PRKCB: variants seen among roughly 807,000 people sequenced by gnomAD.
PRKCB encodes the protein protein kinase C beta type.
Under a neutral mutation model 81.5 loss-of-function variants are expected in PRKCB, and 13 were observed. That is an observed-to-expected ratio of 0.16 (90% CI 0.10 to 0.25). The LOEUF (loss-of-function observed/expected upper bound fraction) is 0.25. Ranked by LOEUF, PRKCB falls within the 10% of genes least tolerant of loss-of-function variation. The probability of loss-of-function intolerance (pLI) is 1.00; values close to 1 mark genes in which losing one functional copy is unlikely to be tolerated. For synonymous variants in PRKCB, 335 were observed against 321.4 expected, an observed-to-expected ratio of 1.04 and a Z score of -0.45; for missense variants, 509 against 875.7, an observed-to-expected ratio of 0.58 and a Z score of 5.29.
intron 5 of PRKCB, among the ~76,000 whole-genome samples, chr16:24,085,854 C>T (rs1431322132): frequency 6.6e-6 from 1 of 152,206 alleles, no homozygotes; most frequent in Non-Finnish European, 1.5e-5. Flanking sequence ...GACAGGCTCT[C>T]TTCTTGACAG....
intron 5 of PRKCB, among the ~76,000 whole-genome samples, chr16:24,056,631 C>G (rs559192680): frequency 6.6e-6 from 1 of 152,080 alleles, no homozygotes; most frequent in East Asian, 1.9e-4. Context: ...AACGAGTTCT[C>G]GCTCCATGTT....
In PRKCB at chr16:24,215,997, A is replaced by G. The variant is rs549111342; in HGVS notation, c.*1181A>G. 362 of 984,642 alleles carry G rather than the reference A, an allele frequency of 3.7e-4. No homozygotes were observed. In the South Asian group the frequency reaches 4.3e-3, roughly 12 times the overall value. 61.0% of individuals were successfully genotyped at this position (984,642 alleles called of 1,614,324 possible). ...GCATCGAGATACAATAAAAAAAAAA[A>G]AAAAGAAAAGAAGAAGAAATACTAT... On this transcript the variant is annotated 3_prime_UTR_variant, in exon 17 of 17. Transcript: ENST00000643927.
intron 7 of PRKCB, among the ~76,000 whole-genome samples, chr16:24,095,682 T>C (rs8056438): frequency 0.15 from 23,024 of 151,998 alleles, 2,685 homozygotes; most frequent in African/African-American, 0.33. Flanking sequence ...CAGTTTAGTT[T>C]TGGGAAAGGG....
chr16:24,031,694 AG>A (rs1321208525), intron 3 of PRKCB, among the ~76,000 whole-genome samples: 1 of 152,262 alleles, frequency 6.6e-6, no homozygotes, highest in East Asian at 1.9e-4. Flanking sequence ...GTTTCTAAGC[AG>A]GGAGATTTCA....
Position 24,185,206 on chromosome 16 carries a change from A to C in PRKCB, c.1614+15A>C. ...TGGCTGGGCAGGTAATTGAATTTTAAGTGATCGATAAGAGAAGTCCTCCCT... is the reference window on the plus strand; with the variant it reads ...TGGCTGGGCAGGTAATTGAATTTTACGTGATCGATAAGAGAAGTCCTCCCT... On this transcript the variant is annotated intron_variant, in intron 14 of 16. Coordinates refer to ENST00000643927, the MANE Select transcript of PRKCB (RefSeq NM_002738.7). 5 of 1,608,974 alleles carry C rather than the reference A, an allele frequency of 3.1e-6. No homozygotes were observed. In the South Asian group the frequency reaches 5.5e-5, roughly 18 times the overall value.
intron 2 of PRKCB, among the ~76,000 whole-genome samples, chr16:23,971,982 A>G (rs1208381635): frequency 6.6e-6 from 1 of 152,202 alleles, no homozygotes. Context: ...TTATAAATGA[A>G]TGTTCATAGC....
At chr16:23,997,124 A>G (rs1964968552) in intron 3 of PRKCB, among the ~76,000 whole-genome samples, 1 of 152,196 alleles carries the variant, frequency 6.6e-6, no homozygotes, top group Admixed American at 6.5e-5. Flanking sequence ...TTCTATTGAT[A>G]GTTAACACTG....
At chr16:24,198,080 G>A (rs1250461770) in intron 16 of PRKCB, among the ~76,000 whole-genome samples, 1 of 152,178 alleles carries the variant, frequency 6.6e-6, no homozygotes, top group Admixed American at 6.5e-5. Context: ...TACCCAGGGA[G>A]TTGCTTTGTG....
At chr16:23,978,145 C>G (rs1964649037) in intron 2 of PRKCB, among the ~76,000 whole-genome samples, 3 of 152,114 alleles carry the variant, frequency 2.0e-5, no homozygotes, top group Admixed American at 2.0e-4. Context: ...ACTGGCAGCA[C>G]TTAGATGTGT....
intron 2 of PRKCB, among the ~76,000 whole-genome samples, chr16:23,862,678 C>G (rs765664785): frequency 2.0e-5 from 3 of 152,022 alleles, no homozygotes; most frequent in African/African-American, 7.3e-5. Flanking sequence ...ATAACAGAAA[C>G]GAGACTCTTT....
At chr16:24,067,941 C>CAAA (rs912993889) in intron 5 of PRKCB, among the ~76,000 whole-genome samples, 1 of 77,062 alleles carries the variant, frequency 1.3e-5, no homozygotes, top group Non-Finnish European at 3.1e-5. Flanking sequence ...GACTCCGTCT[C>CAAA]AAAAAAAAAA....
At chr16:24,046,532 G>C (rs1415746296) in intron 5 of PRKCB, among the ~76,000 whole-genome samples, 3 of 152,230 alleles carry the variant, frequency 2.0e-5, no homozygotes, top group African/African-American at 7.2e-5. Flanking sequence ...GCATTTAGTT[G>C]AGACCTCAGG....
intron 2 of PRKCB, among the ~76,000 whole-genome samples, chr16:23,894,272 T>C (rs1007765449): frequency 3.3e-5 from 5 of 152,158 alleles, no homozygotes; most frequent in African/African-American, 1.2e-4. Context: ...CCGGAGACAG[T>C]TTGAGAAGAC....
chr16:23,956,131 A>AT (rs975834307), intron 2 of PRKCB, among the ~76,000 whole-genome samples: 3 of 151,908 alleles, frequency 2.0e-5, no homozygotes, highest in African/African-American at 4.8e-5. Flanking sequence ...TTTTTTTATA[A>AT]TTTTTTTTGA....
chr16:24,055,811 A>G (rs994299042), intron 5 of PRKCB, among the ~76,000 whole-genome samples: 1 of 152,130 alleles, frequency 6.6e-6, no homozygotes, highest in Non-Finnish European at 1.5e-5. Context: ...GTGGTGTGCA[A>G]TGCTGTTTGC....
chr16:24,089,223 C>T (rs1038413518), intron 5 of PRKCB, among the ~76,000 whole-genome samples: 37 of 152,170 alleles, frequency 2.4e-4, no homozygotes, highest in African/African-American at 8.7e-4. Context: ...ATCAGCATCA[C>T]ATGGAAATGT....
At chr16:23,858,583 A>AT (rs1302878520) in intron 2 of PRKCB, among the ~76,000 whole-genome samples, 1 of 151,408 alleles carries the variant, frequency 6.6e-6, no homozygotes, top group East Asian at 1.9e-4. Flanking sequence ...ACATGTGTAG[A>AT]TTTTTTTAGC....
intron 5 of PRKCB, among the ~76,000 whole-genome samples, chr16:24,060,957 G>T (rs1434011229): frequency 6.6e-6 from 1 of 152,122 alleles, no homozygotes; most frequent in Admixed American, 6.5e-5. Context: ...TTTAATGTTT[G>T]TATCTTTTCT....
chr16:24,088,282 C>G (rs1966332931), intron 5 of PRKCB, among the ~76,000 whole-genome samples: 1 of 152,138 alleles, frequency 6.6e-6, no homozygotes, highest in East Asian at 1.9e-4. Flanking sequence ...AGGATGCATT[C>G]CACAGCATTC....
Sources: allele counts gnomAD v4.1 joint callset (sites outside exome capture counted in the v4.1 genomes callset), GRCh38; gene constraint gnomAD v4.1.1; transcripts MANE v1.5; gene names NCBI Gene and HGNC (gene_info 2026-07-23, HGNC 2026-07-21).